The following DAB1 variants were observed in gnomAD, a reference collection of about 807,000 sequenced individuals.
The protein encoded by DAB1 is DAB adaptor protein 1.
A neutral mutation model predicts 64.6 loss-of-function variants in DAB1; 15 were observed. The observed-to-expected ratio is 0.23, with a 90% CI of 0.16 to 0.36. The LOEUF (loss-of-function observed/expected upper bound fraction) is 0.36. Among genes scored for constraint, DAB1 ranks in the 10% least tolerant of loss-of-function variants. The probability of loss-of-function intolerance (pLI) is 1.00; values close to 1 mark genes in which losing one functional copy is unlikely to be tolerated. For synonymous variants in DAB1, 235 were observed against 251.9 expected (o/e 0.93, Z 0.64); for missense variants, 596 against 706.7 (o/e 0.84, Z 1.78).
chr1:57,831,474 T>C lies in DAB1; in HGVS notation n.88-5019A>G, dbSNP rs114471011. ...TAGTCTTAGGTAACCCCACCAAATA[T>C]TGCCTCATTCATAAACCATGAAAAA... On this transcript the variant is annotated intron_variant and non_coding_transcript_variant, in intron 1 of 1. Coordinates refer to the DAB1 transcript ENST00000477280. Among the ~76,000 whole-genome samples the C allele has an allele frequency of 9.2e-3, 1,393 of 152,084 alleles. 21 individuals carry two copies. Among genetic ancestry groups the C allele is most frequent in the African/African-American group, 0.033 (1,349 of 41,490 alleles).
intron 4 of DAB1, among the ~76,000 whole-genome samples, chr1:58,314,566 C>T (rs1399792372): frequency 1.3e-5 from 2 of 152,160 alleles, no homozygotes; most frequent in Non-Finnish European, 2.9e-5. Flanking sequence ...AGTGACGCCC[C>T]CATTGCCTCA....
At chr1:57,321,023 A>C (rs1026056508) in intron 1 of DAB1, among the ~76,000 whole-genome samples, 1 of 152,202 alleles carries the variant, frequency 6.6e-6, no homozygotes, top group Non-Finnish European at 1.5e-5. Flanking sequence ...CAGCTTAAAA[A>C]GTGCAACCAA....
At chr1:57,099,934 G>C (rs886510570) in intron 4 of DAB1, among the ~76,000 whole-genome samples, 1 of 152,192 alleles carries the variant, frequency 6.6e-6, no homozygotes, top group East Asian at 1.9e-4. Flanking sequence ...AGAACTGAGA[G>C]CGTTGGCTAG....
At chr1:57,596,562 A>T (rs1645512676) in intron 7 of DAB1, among the ~76,000 whole-genome samples, 1 of 152,004 alleles carries the variant, frequency 6.6e-6, no homozygotes, top group African/African-American at 2.4e-5. Flanking sequence ...GGGCTAGAGC[A>T]GTGTAGGAGT....
intron 9 of DAB1, among the ~76,000 whole-genome samples, chr1:57,054,941 A>G (rs1259980732): frequency 6.6e-6 from 1 of 152,216 alleles, no homozygotes; most frequent in Non-Finnish European, 1.5e-5. Flanking sequence ...GAGTAGAGGA[A>G]GTATGGACTC....
chr1:58,090,355 G>A (rs943784167), intron 5 of DAB1, among the ~76,000 whole-genome samples: 1 of 152,200 alleles, frequency 6.6e-6, no homozygotes, highest in Non-Finnish European at 1.5e-5. Context: ...GGAAAAGGGA[G>A]GAGTGTGGGT....
intron 5 of DAB1, among the ~76,000 whole-genome samples, chr1:58,111,554 C>T (rs1235380625): frequency 6.6e-6 from 1 of 152,196 alleles, no homozygotes; most frequent in South Asian, 2.1e-4. Flanking sequence ...TAGCATTCCA[C>T]AGCACATGGT....
intron 7 of DAB1, among the ~76,000 whole-genome samples, chr1:57,434,792 A>G (rs11207032): frequency 0.037 from 5,691 of 152,270 alleles, 341 homozygotes; most frequent in African/African-American, 0.13. Flanking sequence ...AATGGTATTT[A>G]TGTATCTAAA....
At chr1:58,145,618 G>A (rs1179127801) in intron 5 of DAB1, among the ~76,000 whole-genome samples, 1 of 152,172 alleles carries the variant, frequency 6.6e-6, no homozygotes, top group Admixed American at 6.5e-5. Flanking sequence ...TTACAGATGG[G>A]GAAGTTGAGG....
intron 1 of DAB1, among the ~76,000 whole-genome samples, chr1:57,406,527 G>A (rs1421142103): frequency 6.6e-6 from 1 of 152,198 alleles, no homozygotes; most frequent in Non-Finnish European, 1.5e-5. Context: ...AATGGATGAA[G>A]TGCTAGAGCA....
At chr1:57,773,082 T>G (rs1316517560) in intron 6 of DAB1, among the ~76,000 whole-genome samples, 1 of 152,028 alleles carries the variant, frequency 6.6e-6, no homozygotes, top group African/African-American at 2.4e-5. Flanking sequence ...GATCCTTCCC[T>G]AGAACCTTCA....
chr1:58,048,220 G>A (rs1188748053), intron 5 of DAB1: 17 of 1,251,320 alleles, frequency 1.4e-5, no homozygotes, highest in East Asian at 4.6e-5. Flanking sequence ...TACTGGAACC[G>A]CCATAGCCAC....
At chr1:57,358,703 C>T (rs947414279) in intron 1 of DAB1, among the ~76,000 whole-genome samples, 8 of 152,114 alleles carry the variant, frequency 5.3e-5, no homozygotes, top group Non-Finnish European at 8.8e-5. Context: ...AAACTGGAGG[C>T]ATCACACTAC....
At chr1:57,292,864 T>C (rs1450310798) in intron 1 of DAB1, among the ~76,000 whole-genome samples, 2 of 152,092 alleles carry the variant, frequency 1.3e-5, no homozygotes, top group Admixed American at 6.6e-5. Context: ...CAGGTATAAA[T>C]ACCACGCACA....
intron 5 of DAB1, among the ~76,000 whole-genome samples, chr1:58,081,624 T>C (rs979440472): frequency 5.3e-5 from 8 of 152,214 alleles, no homozygotes; most frequent in Non-Finnish European, 1.5e-5. Context: ...CTCCTACTAT[T>C]CTCTTAGAAG....
intron 1 of DAB1, among the ~76,000 whole-genome samples, chr1:57,832,505 C>T (rs903489742): frequency 3.3e-5 from 5 of 152,178 alleles, no homozygotes; most frequent in South Asian, 2.1e-4. Context: ...TGGTAAACAG[C>T]GGTGCTCTCC....
At chr1:57,739,476 C>T (rs1274189299) in intron 6 of DAB1, among the ~76,000 whole-genome samples, 2 of 103,616 alleles carry the variant, frequency 1.9e-5, no homozygotes, top group African/African-American at 7.6e-5. Context: ...CCTCCCCTCC[C>T]CTCCCCTCGC....
intron 7 of DAB1, among the ~76,000 whole-genome samples, chr1:57,613,829 G>C (rs570592971): frequency 6.6e-6 from 1 of 152,296 alleles, no homozygotes; most frequent in East Asian, 1.9e-4. Context: ...GAGTCGGAGA[G>C]ACCTGGGTTC....
intron 2 of DAB1, among the ~76,000 whole-genome samples, chr1:57,171,133 A>G (rs578146575): frequency 6.6e-6 from 1 of 152,308 alleles, no homozygotes; most frequent in African/African-American, 2.4e-5. Flanking sequence ...AAAGCTGCTG[A>G]CAGTAGCAAT....
Sources: allele counts gnomAD v4.1 joint callset (sites outside exome capture counted in the v4.1 genomes callset), GRCh38; gene constraint gnomAD v4.1.1; transcripts MANE v1.5; gene names NCBI Gene and HGNC (gene_info 2026-07-23, HGNC 2026-07-21).